Variants in CCSER1 observed in about 807,000 individuals in gnomAD.
CCSER1 encodes the protein coiled-coil serine rich protein 1.
CCSER1 carries 41 observed loss-of-function variants against 82.0 expected under a neutral mutation model. That is an observed-to-expected ratio of 0.50 (90% CI 0.39 to 0.65). The LOEUF is 0.65. Among genes scored for constraint, CCSER1 ranks in the 30% least tolerant of loss-of-function variants. CCSER1 has a pLI of 0.00. For missense variants in CCSER1, 1,119 were observed against 1,064.2 expected (o/e 1.05, Z -0.72); for synonymous variants, 414 against 383.9 (o/e 1.08, Z -0.92).
At chr4:90,914,617 A>G (rs1487914709) in intron 8 of CCSER1, among the ~76,000 whole-genome samples, 2 of 152,054 alleles carry the variant, frequency 1.3e-5, no homozygotes, top group Non-Finnish European at 2.9e-5. Flanking sequence ...ATTCAAAGCG[A>G]GCAGAAGGCA....
chr4:91,503,385 T>C (rs949282730), intron 10 of CCSER1, among the ~76,000 whole-genome samples: 2 of 151,342 alleles, frequency 1.3e-5, no homozygotes, highest in African/African-American at 2.4e-5. Flanking sequence ...ATATTTTCAA[T>C]GGCTATATGT....
chr4:90,908,450 T>G (rs989132354), intron 8 of CCSER1, among the ~76,000 whole-genome samples: 1 of 152,110 alleles, frequency 6.6e-6, no homozygotes, highest in African/African-American at 2.4e-5. Flanking sequence ...TGGCTGTACA[T>G]CATGGTAAAA....
At chr4:90,848,969 C>A (rs2149915857) in intron 8 of CCSER1, among the ~76,000 whole-genome samples, 1 of 152,370 alleles carries the variant, frequency 6.6e-6, no homozygotes, top group East Asian at 1.9e-4. Flanking sequence ...GCCTCCCATG[C>A]AGAACTGTGA....
At position 90,415,581 on chromosome 4, in the gene CCSER1, C is replaced by G. The variant is rs572477478; in HGVS notation, c.1603+15452C>G. On this transcript the variant is annotated intron_variant, in intron 4 of 10. Coordinates refer to ENST00000509176, the MANE Select transcript of CCSER1 (RefSeq NM_001145065.2). ...ATGAGCTGTTGATGAAAGATAACCACTGGGTAACAAATAAGACAATTTTGC... is the reference window on the plus strand; with the variant it reads ...ATGAGCTGTTGATGAAAGATAACCAGTGGGTAACAAATAAGACAATTTTGC... Among the ~76,000 whole-genome samples the G allele has an allele frequency of 3.3e-5, 5 of 152,274 alleles. No homozygotes were observed. In the South Asian group the frequency reaches 6.2e-4, roughly 19 times the overall value.
intron 6 of CCSER1, among the ~76,000 whole-genome samples, chr4:90,723,583 A>G (rs1743072299): frequency 2.0e-5 from 3 of 151,864 alleles, no homozygotes; most frequent in Admixed American, 1.3e-4. Context: ...ATTATTACAG[A>G]TACAGTTTAA....
intron 10 of CCSER1, among the ~76,000 whole-genome samples, chr4:91,589,324 A>C (rs1435023002): frequency 1.3e-5 from 2 of 151,920 alleles, no homozygotes; most frequent in African/African-American, 4.8e-5. Flanking sequence ...GGACTAAAAA[A>C]GGATGAAAAA....
At chr4:90,539,328 A>T (rs764357556) in intron 5 of CCSER1, among the ~76,000 whole-genome samples, 3 of 152,190 alleles carry the variant, frequency 2.0e-5, no homozygotes, top group Admixed American at 2.0e-4. Context: ...GAAGACAGGG[A>T]TTCACTGATG....
chr4:90,347,811 A>T (rs1462655485), intron 3 of CCSER1, among the ~76,000 whole-genome samples: 1 of 152,162 alleles, frequency 6.6e-6, no homozygotes, highest in Admixed American at 6.6e-5. Context: ...GTTCAGTTGA[A>T]GTAAAAGGCA....
chr4:90,410,539 A>G (rs528718775), intron 4 of CCSER1, among the ~76,000 whole-genome samples: 80 of 152,260 alleles, frequency 5.3e-4, no homozygotes, highest in Non-Finnish European at 9.3e-4. Context: ...TACTGGGTAC[A>G]TAATGAAATG....
intron 10 of CCSER1, among the ~76,000 whole-genome samples, chr4:91,286,036 A>C (rs1429618031): frequency 6.6e-6 from 1 of 151,296 alleles, no homozygotes; most frequent in East Asian, 1.9e-4. Flanking sequence ...GTTACAATTA[A>C]AGTTTAGTTT....
chr4:90,550,396 T>C (rs1420725416), intron 5 of CCSER1, among the ~76,000 whole-genome samples: 1 of 152,206 alleles, frequency 6.6e-6, no homozygotes, highest in Admixed American at 6.5e-5. Context: ...TTAGTAATCC[T>C]ATTAGTTCCT....
At chr4:91,503,025 C>A (rs1013227814) in intron 10 of CCSER1, among the ~76,000 whole-genome samples, 2 of 151,930 alleles carry the variant, frequency 1.3e-5, no homozygotes, top group Non-Finnish European at 2.9e-5. Context: ...ACTTTTAAAT[C>A]TTTGTTTGTG....
At chr4:91,077,557 G>A (rs757428898) in intron 9 of CCSER1, among the ~76,000 whole-genome samples, 2 of 152,172 alleles carry the variant, frequency 1.3e-5, no homozygotes, top group Non-Finnish European at 2.9e-5. Context: ...GAAGAAGACG[G>A]GTGATTTCTG....
At chr4:90,925,146 G>A (rs915088357) in intron 9 of CCSER1, among the ~76,000 whole-genome samples, 3 of 152,052 alleles carry the variant, frequency 2.0e-5, no homozygotes, top group African/African-American at 7.3e-5. Context: ...TGTTCAATAT[G>A]AGTAATAAAA....
intron 1 of CCSER1, among the ~76,000 whole-genome samples, chr4:90,232,443 C>A (rs1744793859): frequency 6.6e-6 from 1 of 152,050 alleles, no homozygotes; most frequent in African/African-American, 2.4e-5. Context: ...AAACTGGATC[C>A]CTTCCTTACA....
At chr4:91,466,533 G>A (rs927956850) in intron 10 of CCSER1, among the ~76,000 whole-genome samples, 5 of 152,114 alleles carry the variant, frequency 3.3e-5, no homozygotes, top group African/African-American at 4.8e-5. Context: ...GAAATAATAG[G>A]TATTCAACTA....
At chr4:91,276,957 A>G (rs1244588693) in intron 10 of CCSER1, among the ~76,000 whole-genome samples, 1 of 152,092 alleles carries the variant, frequency 6.6e-6, no homozygotes, top group East Asian at 1.9e-4. Context: ...CATGACATTT[A>G]TTGATTTGCA....
chr4:91,004,322 G>T (rs1297205797), intron 9 of CCSER1, among the ~76,000 whole-genome samples: 3 of 152,228 alleles, frequency 2.0e-5, no homozygotes, highest in Middle Eastern at 3.4e-3. Flanking sequence ...GCCTTTCAGT[G>T]CCCAGGAAGT....
At chr4:91,159,400 G>A (rs1261465562) in intron 10 of CCSER1, among the ~76,000 whole-genome samples, 1 of 151,766 alleles carries the variant, frequency 6.6e-6, no homozygotes. Flanking sequence ...TTGTCATAGT[G>A]TTTTCCGATA....
Sources: gnomAD v4.1 joint callset for allele counts (sites outside exome capture counted in the v4.1 genomes callset) on GRCh38, gnomAD v4.1.1 for gene constraint, MANE v1.5 for transcripts, NCBI Gene and HGNC (gene_info 2026-07-23, HGNC 2026-07-21) for gene names.